The following TP53AIP1 variants were observed in gnomAD, a reference collection of about 807,000 sequenced individuals.
TP53AIP1 encodes the protein p53-regulated apoptosis-inducing protein 1.
TP53AIP1 carries 14 observed loss-of-function variants against 9.5 expected under a neutral mutation model. That is an observed-to-expected ratio of 1.47 (90% CI 0.97 to 2.30). The LOEUF is 2.30. Among genes scored for constraint, TP53AIP1 ranks in the 30% most tolerant of loss-of-function variants. The probability of loss-of-function intolerance (pLI) is 0.00; values close to 1 mark genes in which losing one functional copy is unlikely to be tolerated. For missense variants in TP53AIP1, 153 were observed against 146.7 expected, an observed-to-expected ratio of 1.04 and a Z score of -0.22; for synonymous variants, 73 against 61.2, an observed-to-expected ratio of 1.19 and a Z score of -0.90.
chr11:128,939,690 T>G lies in TP53AIP1; in HGVS notation c.-76-1796A>C, dbSNP rs1944903971. On this transcript the variant is annotated intron_variant, in intron 1 of 3. Transcript: ENST00000531399. This position sits in a 1 kb window ranked among gnomAD's most constrained non-coding sequence, Gnocchi z 4.1. The stretch of plus-strand genomic sequence containing the variant: ...AGAGGTCCGTCACAACCCATCTTAA[T>G]GCAAGAGGGACTGTGGCTCTTCTGG... 6.6e-6 allele frequency among the ~76,000 whole-genome samples: 1 copy of G among 152,222 alleles called. No homozygotes were observed. The highest frequency in any genetic ancestry group is 1.5e-5 in the Non-Finnish European group (1 of 68,044).
intron 3 of TP53AIP1, 126 bp from the exon 4 acceptor site, chr11:128,935,838 T>G: frequency 7.3e-7 from 1 of 1,370,780 alleles, no homozygotes; most frequent in South Asian, 2.1e-5. Context: ...TAAAACACAA[T>G]CCATTGTAAG....
rs1944829546 is a variant in TP53AIP1, at chr11:128,936,622, G to C, written c.169C>G (p.Gln57Glu). The C allele has an allele frequency of 6.3e-7, 1 of 1,587,700 alleles. No individual in the cohort carries two copies. Among genetic ancestry groups the C allele is most frequent in the Non-Finnish European group, 8.5e-7 (1 of 1,175,038 alleles). ...ATTCCCCGGCACCCTCCGTGAACTT[G>C]GGCACCCAAAACTAAGGGATCTGAA... ...WVSDPLVLGA[Q>E]VHGGCRGIEA... is the part of the protein sequence containing the mutation. The change falls in exon 3 of 4, where the codon CAA becomes GAA. Residue 57 changes from glutamine (Q) to glutamate (E), a missense_variant. Coordinates refer to ENST00000531399, the MANE Select transcript of TP53AIP1 (RefSeq NM_022112.3).
At chr11:128,935,233 T>A (rs1016112357), downstream of TP53AIP1, 8 of 1,385,240 alleles carry the variant, frequency 5.8e-6, no homozygotes, top group African/African-American at 1.0e-4. Context: ...AAGTGCATAC[T>A]GGGAGTGCCC....
chr11:128,934,990 C>G (rs1425723365), downstream of TP53AIP1: 2 of 702,824 alleles, frequency 2.8e-6, no homozygotes, highest in African/African-American at 3.5e-5. Flanking sequence ...CTTTCAACTC[C>G]CAGAATTTCA....
Position 128,937,925 on chromosome 11 carries a change from A to C in TP53AIP1, c.-76-31T>G. On this transcript the variant is annotated intron_variant, in intron 1 of 3. Transcript: ENST00000531399. This position sits in a 1 kb window ranked among gnomAD's most constrained non-coding sequence, Gnocchi z 4.8. ...AACAAACAAAACAGGCTATGAACAG[A>C]AGCAGTGGTGGCAGCGCTGGGCCAG... 8.2e-7 allele frequency: 1 copy of C among 1,223,672 alleles called. No individual in the cohort carries two copies. The allele number at this position is 1,223,672 out of a possible 1,614,324, so 75.8% of individuals were successfully genotyped here.
Position 128,937,259 on chromosome 11 carries a change from G to A in TP53AIP1, c.141+419C>T, listed in dbSNP as rs1396035815. The A allele has an allele frequency of 1.6e-5, 21 of 1,293,782 alleles. No homozygotes were observed. Among genetic ancestry groups the A allele is most frequent in the Non-Finnish European group, 2.1e-5 (21 of 1,022,332 alleles). The allele number at this position is 1,293,782 out of a possible 1,614,324, so 80.1% of individuals were successfully genotyped here. On this transcript the variant is annotated intron_variant, in intron 2 of 3. Transcript: ENST00000531399. The surrounding 1 kb of genome is among the most constrained non-coding windows in gnomAD (Gnocchi z 4.8). Reference sequence around the variant, plus strand: ...CCATCTGGACAAAAGCAGGATCCGGGGTGGACGCAGAAGAGCAGGCCCGGA... The same window carrying A: ...CCATCTGGACAAAAGCAGGATCCGGAGTGGACGCAGAAGAGCAGGCCCGGA...
In TP53AIP1 at chr11:128,937,654, T is replaced by C. The variant is rs1445377024; in HGVS notation, c.141+24A>G. 1.2e-6 allele frequency: 2 copies of C among 1,614,048 alleles called. No individual in the cohort carries two copies. Among genetic ancestry groups the C allele is most frequent in the East Asian group, 2.2e-5 (1 of 44,878 alleles). ...GGGCTGTGGCAGGCAAAAGACCGTC[T>C]CGGTTTTCACTGCAGGGACTTACCC... On this transcript the variant is annotated intron_variant, in intron 2 of 3. Coordinates refer to ENST00000531399, the MANE Select transcript of TP53AIP1 (RefSeq NM_022112.3). This position sits in a 1 kb window ranked among gnomAD's most constrained non-coding sequence, Gnocchi z 4.8.
chr11:128,942,153 C>T (rs1011123071), intron 1 of TP53AIP1, among the ~76,000 whole-genome samples: 1 of 152,216 alleles, frequency 6.6e-6, no homozygotes, highest in Non-Finnish European at 1.5e-5. Context: ...CCACAGGTAG[C>T]TGGGGCAGAA....
chr11:128,936,368 C>T, intron 3 of TP53AIP1, 170 bp downstream of exon 3: 7 of 1,400,626 alleles, frequency 5.0e-6, no homozygotes, highest in Non-Finnish European at 6.5e-6. Flanking sequence ...AAAATACATC[C>T]ACAGCAGTTT....
At chr11:128,935,171 C>T, downstream of TP53AIP1, 1 of 992,744 alleles carries the variant, frequency 1.0e-6, no homozygotes, top group Non-Finnish European at 1.5e-6. Flanking sequence ...TGGTTGGCAT[C>T]AGCAGCATCT....
In TP53AIP1 at chr11:128,937,539, G is replaced by A. The variant is rs772063022; in HGVS notation, c.141+139C>T. 37 of 1,613,470 alleles carry A rather than the reference G, an allele frequency of 2.3e-5. No homozygotes were observed. The highest frequency in any genetic ancestry group is 3.1e-5 in the Non-Finnish European group (37 of 1,179,768). On this transcript the variant is annotated intron_variant, in intron 2 of 3. Coordinates refer to ENST00000531399, the MANE Select transcript of TP53AIP1 (RefSeq NM_022112.3). This position sits in a 1 kb window ranked among gnomAD's most constrained non-coding sequence, Gnocchi z 4.8. ...GCTCTGAACTGGGGACAGTCCGCATGCAGCTCTGAGGACCCAGATGCTGTC... is the reference window on the plus strand; with the variant it reads ...GCTCTGAACTGGGGACAGTCCGCATACAGCTCTGAGGACCCAGATGCTGTC...
intron 3 of TP53AIP1, chr11:128,936,203 T>C (rs1944820174): frequency 1.9e-6 from 2 of 1,072,686 alleles, no homozygotes; most frequent in South Asian, 6.7e-5. Flanking sequence ...TTGCAGAAAC[T>C]AAAGTTGGAA....
intron 3 of TP53AIP1, chr11:128,936,332 T>C (rs1338224336): frequency 1.5e-6 from 2 of 1,369,446 alleles, no homozygotes; most frequent in Admixed American, 6.8e-5. Context: ...TACCGTTACC[T>C]TTTATTTTAA....
At chr11:128,936,946 T>G in intron 2 of TP53AIP1, 2 of 1,165,378 alleles carry the variant, frequency 1.7e-6, no homozygotes, top group Non-Finnish European at 2.1e-6. Flanking sequence ...GCTCGGGGCT[T>G]TGTCACCCCA....
In TP53AIP1 at chr11:128,935,432, C is replaced by T. The variant is rs972918256; in HGVS notation, c.*159G>A. On this transcript the variant is annotated 3_prime_UTR_variant, in exon 4 of 4. Transcript: ENST00000531399. ...AAGGATGCAAAATGAGGCAACCTAGCCACCCAACTGGCCCAGTGGTCAAGG... is the reference window on the plus strand; with the variant it reads ...AAGGATGCAAAATGAGGCAACCTAGTCACCCAACTGGCCCAGTGGTCAAGG... 1.3e-5 allele frequency: 18 copies of T among 1,417,688 alleles called. No homozygotes were observed. Among genetic ancestry groups the T allele is most frequent in the East Asian group, 5.1e-5 (2 of 39,286 alleles). 87.8% of individuals were successfully genotyped at this position (1,417,688 alleles called of 1,614,324 possible). A position where few individuals can be genotyped will look rare whatever the true frequency, so the allele number is the denominator to read the frequency against.
At chr11:128,938,739 G>T (rs2136023173) in intron 1 of TP53AIP1, among the ~76,000 whole-genome samples, 1 of 152,286 alleles carries the variant, frequency 6.6e-6, no homozygotes, top group South Asian at 2.1e-4. Flanking sequence ...GCCTATCCAT[G>T]ACCTCCAGGG....
rs144117100 is a variant in TP53AIP1 at position 128,941,324 on chromosome 11, C to T, written c.-77+1470G>A. On this transcript the variant is annotated intron_variant, in intron 1 of 3. Coordinates refer to ENST00000531399, the MANE Select transcript of TP53AIP1 (RefSeq NM_022112.3). The stretch of plus-strand genomic sequence containing the variant: ...GCCAGTGTCCATGGGTTCTCTGAGA[C>T]GGAACAGGAAGTATTTTAAGGAAGA... 4.5e-3 allele frequency among the ~76,000 whole-genome samples: 688 copies of T among 152,258 alleles called. 4 individuals are homozygous for T. The highest frequency in any genetic ancestry group is 6.8e-3 in the Middle Eastern group (2 of 294).
At chr11:128,935,192 A>T, downstream of TP53AIP1, 1 of 1,177,070 alleles carries the variant, frequency 8.5e-7, no homozygotes, top group Non-Finnish European at 1.2e-6. Flanking sequence ...GCTATAGATG[A>T]TCAAACCCGC....
rs1555049425 is a variant in TP53AIP1 at position 128,935,518 on chromosome 11, GT to G, written c.*72del. On this transcript the variant is annotated 3_prime_UTR_variant, in exon 4 of 4. Coordinates refer to ENST00000531399, the MANE Select transcript of TP53AIP1 (RefSeq NM_022112.3). ...CATTTCTCGACGGTGCTTTCTGTTT[GT>G]TTGTTTGTTTTTGTTTTGAGATGGA... is the stretch of plus-strand genomic sequence containing the variant. 8 of 1,507,792 alleles carry G rather than the reference GT, an allele frequency of 5.3e-6. No homozygotes were observed. The highest frequency in any genetic ancestry group is 7.1e-6 in the Non-Finnish European group (8 of 1,134,676). The allele number at this position is 1,507,792 out of a possible 1,614,324, so 93.4% of individuals were successfully genotyped here.
Sources: allele counts gnomAD v4.1 joint callset (sites outside exome capture counted in the v4.1 genomes callset), GRCh38; gene constraint gnomAD v4.1.1; non-coding constraint Gnocchi (gnomAD v3.1); transcripts MANE v1.5; gene names NCBI Gene and HGNC (gene_info 2026-07-23, HGNC 2026-07-21).